LAT2: variants seen among roughly 807,000 people sequenced by gnomAD.
LAT2 encodes linker for activation of T cells family member 2, also known as linker for activation of T-cells family member 2.
LAT2 carries 23 observed loss-of-function variants against 43.4 expected under a neutral mutation model. The ratio of observed to expected loss-of-function variants is 0.53; its 90% CI spans 0.38 to 0.75. LAT2 has a LOEUF of 0.75. LAT2 is among the 30% of genes least tolerant of loss of function. The pLI is 0.00. For missense variants in LAT2, 284 were observed against 310.2 expected, an observed-to-expected ratio of 0.92 and a Z score of 0.64; for synonymous variants, 128 against 123.2, an observed-to-expected ratio of 1.04 and a Z score of -0.26.
At chr7:74,214,740 A>AC (rs1801960236) in intron 1 of LAT2, 82 bp from the exon 2 acceptor site, 2 of 97,698 alleles carry the variant, frequency 2.0e-5, no homozygotes, top group African/African-American at 9.8e-5. Context: ...TATATATAAA[A>AC]ATATATAAAT....
chr7:74,223,668 G>A (rs1802374040), intron 10 of LAT2, 56 bp from the exon 11 acceptor site: 2 of 1,524,678 alleles, frequency 1.3e-6, no homozygotes, highest in Non-Finnish European at 1.8e-6. Flanking sequence ...GGGAGGATGA[G>A]CCAGGCTTTG....
intron 1 of LAT2, among the ~76,000 whole-genome samples, chr7:74,214,045 TATATATATATATGAAA>T (rs1563966413): frequency 4.5e-5 from 6 of 132,438 alleles, no homozygotes; most frequent in East Asian, 2.0e-4. Context: ...TATATGTATA[TATATATATATATGAAA>T]AAATATATAT....
chr7:74,221,396 C>G (rs1802270460), intron 9 of LAT2, among the ~76,000 whole-genome samples: 1 of 117,156 alleles, frequency 8.5e-6, no homozygotes, highest in Non-Finnish European at 1.6e-5. Flanking sequence ...GCCTGGGTGA[C>G]AGAGACTCTG....
At chr7:74,219,665 C>A in intron 4 of LAT2, 79 bp from the exon 5 acceptor site, 1 of 1,554,144 alleles carries the variant, frequency 6.4e-7, no homozygotes, top group Non-Finnish European at 8.9e-7. Context: ...CTCATCCCTG[C>A]CTGTCCCTCC....
chr7:74,217,932 C>T (rs1380312445), intron 4 of LAT2, among the ~76,000 whole-genome samples: 2 of 152,214 alleles, frequency 1.3e-5, no homozygotes, highest in Admixed American at 6.5e-5. Flanking sequence ...CCTTGCTCAT[C>T]GTGGGCCAGG....
chr7:74,221,439 A>AAAAAAGG (rs1802275501), intron 9 of LAT2, among the ~76,000 whole-genome samples, 198 bp from the exon 10 acceptor site: 2 of 147,482 alleles, frequency 1.4e-5, no homozygotes, highest in African/African-American at 5.0e-5. Flanking sequence ...AAAAAAAAAA[A>AAAAAAGG]GTGGCTCCAG....
At chr7:74,211,428 C>T (rs1230515632) in intron 1 of LAT2, among the ~76,000 whole-genome samples, 1 of 152,158 alleles carries the variant, frequency 6.6e-6, no homozygotes, top group Admixed American at 6.5e-5. Context: ...CAGGCACGTG[C>T]TACCACACCT....
At chr7:74,221,606 A>C in intron 9 of LAT2, 31 bp from the exon 10 acceptor site, 1 of 1,603,826 alleles carries the variant, frequency 6.2e-7, no homozygotes, top group South Asian at 1.1e-5. Flanking sequence ...GCCTGCCCTG[A>C]AACCTGTGTT....
At chr7:74,223,406 C>T (rs1334766264) in intron 10 of LAT2, among the ~76,000 whole-genome samples, 2 of 152,122 alleles carry the variant, frequency 1.3e-5, no homozygotes, top group African/African-American at 4.8e-5. Flanking sequence ...GTAGGAAGAT[C>T]GTTTGAGCCG....
In LAT2 at chr7:74,229,381, G is replaced by C. The variant is rs1458671611; in HGVS notation, c.*456G>C. On this transcript the variant is annotated 3_prime_UTR_variant, in exon 14 of 14. Coordinates refer to ENST00000460943, the MANE Select transcript of LAT2 (RefSeq NM_032464.3). ...CTTGTACAGTTAACTTATAGAGGGG[G>C]AGCCATATTTAACATTCTGGATTTC... The C allele has an allele frequency of 6.6e-6, 1 of 152,644 alleles. No individual in the cohort carries two copies. The highest frequency in any genetic ancestry group is 1.5e-5 in the Non-Finnish European group (1 of 68,048). 9.5% of individuals were successfully genotyped at this position (152,644 alleles called of 1,614,324 possible). A position where few individuals can be genotyped will look rare whatever the true frequency, so the allele number is the denominator to read the frequency against.
intron 13 of LAT2, among the ~76,000 whole-genome samples, chr7:74,228,350 C>G (rs1183042114): frequency 1.1e-4 from 16 of 150,626 alleles, no homozygotes; most frequent in African/African-American, 3.9e-4. Flanking sequence ...GTGGCAGGCG[C>G]CTGTAGTCCC....
At chr7:74,219,535 G>A (rs1802182310) in intron 4 of LAT2, among the ~76,000 whole-genome samples, 1 of 152,232 alleles carries the variant, frequency 6.6e-6, no homozygotes, top group Admixed American at 6.5e-5. Flanking sequence ...GTGAGGGTTG[G>A]GCACCCAGTG....
intron 1 of LAT2, among the ~76,000 whole-genome samples, chr7:74,214,283 TATATATATGAAAATATATATATAA>T (rs1801883777): frequency 4.6e-5 from 4 of 86,318 alleles, no homozygotes; most frequent in South Asian, 3.5e-4. Context: ...TATATATAAA[TATATATATGAAAATATATATATAA>T]ATATATATAT....
At chr7:74,224,840 C>A in intron 13 of LAT2, 80 bp downstream of exon 13, 1 of 1,075,436 alleles carries the variant, frequency 9.3e-7, no homozygotes, top group Non-Finnish European at 1.3e-6. Context: ...TCCAAGGGAA[C>A]AGCCGAGAGT....
Position 74,220,641 on chromosome 7 carries a change from G to A in LAT2, c.301+22G>A. 1 of 1,614,012 alleles carries A rather than the reference G, an allele frequency of 6.2e-7. No individual in the cohort carries two copies. The highest frequency in any genetic ancestry group is 1.1e-5 in the South Asian group (1 of 91,088). On this transcript the variant is annotated intron_variant, in intron 8 of 13. Transcript: ENST00000460943. This position sits in a 1 kb window ranked among gnomAD's most constrained non-coding sequence, Gnocchi z 4.5. ...AAAGGTAGGTAGGCTCCTGGAGAAA[G>A]GGGGAGGCCATGGTGGGGGCCACAC...
chr7:74,217,344 T>A (rs1802081702), intron 4 of LAT2, among the ~76,000 whole-genome samples: 1 of 151,686 alleles, frequency 6.6e-6, no homozygotes, highest in Admixed American at 6.6e-5. Context: ...GGCAGCAGGA[T>A]CACTTGAACC....
At chr7:74,213,852 C>A (rs982841323) in intron 1 of LAT2, among the ~76,000 whole-genome samples, 2 of 151,382 alleles carry the variant, frequency 1.3e-5, no homozygotes, top group Non-Finnish European at 2.9e-5. Context: ...AGTGGACACT[C>A]GGGAGTGTTG....
At chr7:74,219,629 C>T (rs1554714731) in intron 4 of LAT2, 115 bp from the exon 5 acceptor site, 1 of 1,273,456 alleles carries the variant, frequency 7.9e-7, no homozygotes, top group Non-Finnish European at 1.1e-6. Context: ...CCACTGTCGC[C>T]CCAGTCCGTC....
chr7:74,217,643 G>C (rs181391086), intron 4 of LAT2, among the ~76,000 whole-genome samples: 1 of 152,130 alleles, frequency 6.6e-6, no homozygotes, highest in Non-Finnish European at 1.5e-5. Flanking sequence ...CAAGTCCCTC[G>C]GGGGACCAGG....
Sources: gnomAD v4.1 joint callset for allele counts (sites outside exome capture counted in the v4.1 genomes callset) on GRCh38, gnomAD v4.1.1 for gene constraint, Gnocchi (gnomAD v3.1) non-coding constraint, MANE v1.5 for transcripts, NCBI Gene and HGNC (gene_info 2026-07-23, HGNC 2026-07-21) for gene names.